ZNF235: variants seen among roughly 807,000 people sequenced by gnomAD.
The protein encoded by ZNF235 is zinc finger protein 235.
Under a neutral mutation model 29.4 loss-of-function variants are expected in ZNF235, and 25 were observed. The ratio of observed to expected loss-of-function variants is 0.85; its 90% CI spans 0.62 to 1.19. ZNF235 has a LOEUF of 1.19. ZNF235 is among the 50% of genes most tolerant of loss of function. The pLI is 0.00. For missense variants in ZNF235, 788 were observed against 885.0 expected, an observed-to-expected ratio of 0.89 and a Z score of 1.39; for synonymous variants, 300 against 295.3, an observed-to-expected ratio of 1.02 and a Z score of -0.16.
intron 4 of ZNF235, among the ~76,000 whole-genome samples, chr19:44,293,230 C>T (rs531701758): frequency 2.4e-4 from 37 of 151,830 alleles, no homozygotes; most frequent in African/African-American, 8.2e-4. Context: ...GAAGGTAAAG[C>T]GGTAGAAAAA....
chr19:44,304,442 G>C (rs568407048), intron 1 of ZNF235, among the ~76,000 whole-genome samples: 3 of 152,166 alleles, frequency 2.0e-5, no homozygotes, highest in Non-Finnish European at 2.9e-5. Context: ...ATCCAGGAAC[G>C]GCCCCACATC....
chr19:44,302,940 ACATATTTG>A (rs1318238451), intron 2 of ZNF235, among the ~76,000 whole-genome samples: 1 of 133,648 alleles, frequency 7.5e-6, no homozygotes, highest in African/African-American at 3.0e-5. Context: ...ATTTATATAT[ACATATTTG>A]TATATATAAA....
At chr19:44,292,157 C>G (rs1975593213) in intron 4 of ZNF235, among the ~76,000 whole-genome samples, 1 of 151,952 alleles carries the variant, frequency 6.6e-6, no homozygotes, top group African/African-American at 2.4e-5. Flanking sequence ...TATCCACTCT[C>G]ACAACCTTTA....
intron 4 of ZNF235, chr19:44,289,505 T>C (rs887803270): frequency 2.2e-5 from 5 of 222,698 alleles, no homozygotes; most frequent in East Asian, 9.7e-5. Context: ...CCAAAGTGAA[T>C]GCTTTGTCCA....
chr19:44,294,520 C>T (rs1244954741), intron 4 of ZNF235, among the ~76,000 whole-genome samples: 1 of 152,118 alleles, frequency 6.6e-6, no homozygotes, highest in African/African-American at 2.4e-5. Flanking sequence ...TCTACTAAAA[C>T]TCTTTCAAAA....
rs371441987 is a variant in ZNF235, at chr19:44,287,375, T to C, written c.2060A>G (p.Gln687Arg). The C allele has an allele frequency of 3.1e-6, 5 of 1,611,814 alleles. No individual in the cohort carries two copies. The highest frequency in any genetic ancestry group is 3.4e-5 in the Admixed American group (2 of 59,642). ...HTGEKPYTCQ[Q>R]CGKGFSQASH... ...GGCCTGACTGAAGCCCTTCCCACAC[T>C]GCTGACACGTATAGGGTTTCTCTCC... The change falls in exon 5 of 5, where the codon CAG (glutamine) becomes CGG (arginine). Residue 687 changes from glutamine (Q) to arginine (R), a missense_variant. Gln to Arg is a conservative substitution (Grantham distance 43, BLOSUM62 1). Coordinates refer to ENST00000291182, the MANE Select transcript of ZNF235 (RefSeq NM_004234.4).
At chr19:44,299,816 C>A (rs1243010519) in intron 2 of ZNF235, 84 bp from the exon 3 acceptor site, 10 of 1,601,244 alleles carry the variant, frequency 6.2e-6, no homozygotes, top group Non-Finnish European at 7.7e-6. Flanking sequence ...AGTTACTATT[C>A]TTCCCCTTCC....
chr19:44,303,311 T>C (rs1243974044), intron 2 of ZNF235, 79 bp downstream of exon 2: 3 of 1,524,184 alleles, frequency 2.0e-6, no homozygotes, highest in Non-Finnish European at 2.7e-6. Flanking sequence ...CCTTTTACTG[T>C]TCCCAAACAG....
At chr19:44,293,294 C>A (rs995511989) in intron 4 of ZNF235, among the ~76,000 whole-genome samples, 45 of 151,854 alleles carry the variant, frequency 3.0e-4, no homozygotes, top group African/African-American at 1.1e-3. Context: ...ATTTTTATAT[C>A]AGATAAAAAA....
At position 44,287,556 on chromosome 19, in the gene ZNF235, A is replaced by T. The variant is rs920101159; in HGVS notation, c.1879T>A (p.Tyr627Asn). 5.0e-6 allele frequency: 8 copies of T among 1,614,032 alleles called. No homozygotes were observed. Among genetic ancestry groups the T allele is most frequent in the Non-Finnish European group, 6.8e-6 (8 of 1,180,028 alleles). The change falls in exon 5 of 5, where the codon TAT (tyrosine) becomes AAT (asparagine). Residue 627 changes from tyrosine to asparagine, a missense_variant. By Grantham distance (143) the Tyr-to-Asn change is moderately radical. Transcript: ENST00000291182. The part of the protein sequence containing the change: ...HQRVHTGEKP[Y>N]KCDTCGKAFS... Reference sequence around the variant, plus strand: ...GCCTTACCACAAGTGTCACATTTATATGGTTTCTCTCCGGTGTGGACTCTC... The same window carrying T: ...GCCTTACCACAAGTGTCACATTTATTTGGTTTCTCTCCGGTGTGGACTCTC...
At position 44,288,756 on chromosome 19, in the gene ZNF235, T is replaced by C. The variant is rs757002727; in HGVS notation, c.679A>G (p.Asn227Asp). 2 of 1,613,944 alleles carry C rather than the reference T, an allele frequency of 1.2e-6. No individual in the cohort carries two copies. The highest frequency in any genetic ancestry group is 1.7e-5 in the Admixed American group (1 of 60,016). ...FSCISHHHDD[N>D]IVHKRDKVHS... ...ACTTTATCTCTTTTGTGCACTATAT[T>C]ATCATCATGGTGGTGTGAAATACAA... is the stretch of plus-strand genomic sequence containing the variant. Residue 227 changes from asparagine to aspartate, a missense_variant, in exon 5 of 5, where the codon AAT (asparagine) becomes GAT (aspartate). Physicochemically the swap from Asn to Asp is conservative, Grantham distance 23. Coordinates refer to ENST00000291182, the MANE Select transcript of ZNF235 (RefSeq NM_004234.4).
intron 4 of ZNF235, chr19:44,289,581 G>T (rs1975557720): frequency 1.3e-5 from 2 of 159,116 alleles, no homozygotes; most frequent in African/African-American, 4.8e-5. Flanking sequence ...GAAACTTTCA[G>T]CTTATCTTTA....
At position 44,288,786 on chromosome 19, in the gene ZNF235, A is replaced by T; in HGVS notation, c.649T>A (p.Phe217Ile). The part of the protein sequence containing the change: ...LCIFAPYVDI[F>I]SCISHHHDDN... ...TCATGGTGGTGTGAAATACAACTGAAAATGTCAACATATGGAGCAAATATA... is the reference window on the plus strand; with the variant it reads ...TCATGGTGGTGTGAAATACAACTGATAATGTCAACATATGGAGCAAATATA... The change falls in exon 5 of 5, where the codon TTC (phenylalanine) becomes ATC (isoleucine). Residue 217 changes from phenylalanine to isoleucine, a missense_variant. By Grantham distance (21) the Phe-to-Ile change is conservative. Transcript: ENST00000291182. The T allele has an allele frequency of 3.7e-6, 6 of 1,613,848 alleles. No individual in the cohort carries two copies. Among genetic ancestry groups the T allele is most frequent in the Non-Finnish European group, 4.2e-6 (5 of 1,179,876 alleles).
intron 4 of ZNF235, among the ~76,000 whole-genome samples, chr19:44,294,389 C>T (rs1429276630): frequency 6.6e-6 from 1 of 152,056 alleles, no homozygotes; most frequent in Non-Finnish European, 1.5e-5. Context: ...AAATCCTAAA[C>T]AGACCAGTAA....
At chr19:44,295,503 A>G (rs1261237694) in intron 4 of ZNF235, among the ~76,000 whole-genome samples, 1 of 152,174 alleles carries the variant, frequency 6.6e-6, no homozygotes, top group African/African-American at 2.4e-5. Flanking sequence ...ATATTGTTAA[A>G]AAGACCATAC....
intron 4 of ZNF235, among the ~76,000 whole-genome samples, chr19:44,298,280 T>C (rs1038284878): frequency 1.3e-5 from 2 of 152,076 alleles, no homozygotes; most frequent in African/African-American, 4.8e-5. Context: ...GCTAGGTGAA[T>C]AGGCAAACAT....
At chr19:44,293,338 A>T (rs1235653522) in intron 4 of ZNF235, among the ~76,000 whole-genome samples, 2 of 152,180 alleles carry the variant, frequency 1.3e-5, no homozygotes, top group African/African-American at 4.8e-5. Context: ...AAAAAGACAA[A>T]GTCATTACAT....
intron 3 of ZNF235, among the ~76,000 whole-genome samples, chr19:44,299,112 G>T (rs929523556): frequency 6.6e-6 from 1 of 152,048 alleles, no homozygotes; most frequent in Non-Finnish European, 1.5e-5. Flanking sequence ...AAGGTTAAAG[G>T]ACCTATTTCT....
At position 44,287,917 on chromosome 19, in the gene ZNF235, C is replaced by G. The variant is rs571551454; in HGVS notation, c.1518G>C (p.Gln506His). The change falls in exon 5 of 5, where the codon CAG becomes CAC. Residue 506 changes from glutamine (Q) to histidine (H), a missense_variant. By Grantham distance (24) the Gln-to-His change is conservative. Transcript: ENST00000291182. Reference protein sequence around the residue: ...FSSASSFQSHQRVHTGEKPFR... With the variant: ...FSSASSFQSHHRVHTGEKPFR... ...ATGGTTTCTCTCCTGTATGGACCCT[C>G]TGATGGCTCTGGAAACTTGAGGCTG... The G allele has an allele frequency of 1.9e-6, 3 of 1,614,064 alleles. No individual in the cohort carries two copies. In the African/African-American group the frequency reaches 4.0e-5, roughly 22 times the overall value.
Sources: gnomAD v4.1 joint callset for allele counts (sites outside exome capture counted in the v4.1 genomes callset) on GRCh38, gnomAD v4.1.1 for gene constraint, MANE v1.5 for transcripts, NCBI Gene and HGNC (gene_info 2026-07-23, HGNC 2026-07-21) for gene names.